HS3ST2: variants seen among roughly 807,000 people sequenced by gnomAD.
HS3ST2 encodes the protein heparan sulfate-glucosamine 3-sulfotransferase 2.
In HS3ST2, 17 loss-of-function variants were observed where a neutral mutation model predicts 26.3. That is an observed-to-expected ratio of 0.65 (90% CI 0.44 to 0.97). The LOEUF (loss-of-function observed/expected upper bound fraction) is 0.97. HS3ST2 is among the 50% of genes least tolerant of loss of function. The pLI, the probability that HS3ST2 is intolerant of heterozygous loss-of-function variation, is 0.00. For missense variants in HS3ST2, 402 were observed against 501.2 expected, an observed-to-expected ratio of 0.80 and a Z score of 1.89; for synonymous variants, 237 against 219.2, an observed-to-expected ratio of 1.08 and a Z score of -0.72.
intron 1 of HS3ST2, among the ~76,000 whole-genome samples, chr16:22,870,592 T>G (rs1901823120): frequency 6.6e-6 from 1 of 152,178 alleles, no homozygotes; most frequent in South Asian, 2.1e-4. Context: ...CTACTCTCTT[T>G]TGCCTGTTCT....
chr16:22,829,921 A>C (rs1169194481), intron 1 of HS3ST2, among the ~76,000 whole-genome samples: 1 of 152,212 alleles, frequency 6.6e-6, no homozygotes, highest in Non-Finnish European at 1.5e-5. Flanking sequence ...AGAGGCACTC[A>C]CTGTCATCAC....
At chr16:22,850,779 T>G (rs1901507845) in intron 1 of HS3ST2, among the ~76,000 whole-genome samples, 1 of 151,954 alleles carries the variant, frequency 6.6e-6, no homozygotes, top group Non-Finnish European at 1.5e-5. Flanking sequence ...AGAACGAGAC[T>G]CCATCTCAAA....
Position 22,822,728 on chromosome 16 carries a change from G to A in HS3ST2, c.485+7633G>A, listed in dbSNP as rs549226079. ...AAATTAGCTGGGCGTGGTGGCGTGC[G>A]CCTGTAGTCCCAGCTACTTGGGAGG... On this transcript the variant is annotated intron_variant, in intron 1 of 1. Coordinates refer to ENST00000261374, the MANE Select transcript of HS3ST2 (RefSeq NM_006043.2). 1.1e-4 allele frequency among the ~76,000 whole-genome samples: 16 copies of A among 152,046 alleles called. No individual in the cohort carries two copies. In the South Asian group the frequency reaches 1.2e-3, roughly 12 times the overall value.
chr16:22,873,834 A>T (rs1901871596), intron 1 of HS3ST2, among the ~76,000 whole-genome samples: 1 of 152,158 alleles, frequency 6.6e-6, no homozygotes. Context: ...CACATCTGGG[A>T]TCAACTAGTG....
At chr16:22,904,576 C>T (rs527855239) in intron 1 of HS3ST2, among the ~76,000 whole-genome samples, 1 of 152,116 alleles carries the variant, frequency 6.6e-6, no homozygotes, top group Non-Finnish European at 1.5e-5. Flanking sequence ...GTGGAGGTGA[C>T]GATGAGCTGA....
intron 1 of HS3ST2, among the ~76,000 whole-genome samples, chr16:22,911,254 C>T (rs1024096367): frequency 1.3e-5 from 2 of 151,966 alleles, no homozygotes; most frequent in African/African-American, 4.8e-5. Flanking sequence ...CTGGGGAGAG[C>T]AATTAGAACA....
chr16:22,849,016 A>G (rs1030399997), intron 1 of HS3ST2, among the ~76,000 whole-genome samples: 1 of 152,224 alleles, frequency 6.6e-6, no homozygotes, highest in African/African-American at 2.4e-5. Flanking sequence ...AGGTTTGGAC[A>G]ATGAAACTGA....
intron 1 of HS3ST2, among the ~76,000 whole-genome samples, chr16:22,906,416 G>A (rs1902353870): frequency 3.4e-5 from 3 of 88,874 alleles, no homozygotes; most frequent in East Asian, 3.9e-4. Flanking sequence ...CCTGGGCCTC[G>A]TGCCCAGAGT....
At chr16:22,884,662 ATATATATATATATAT>A (rs1177910895) in intron 1 of HS3ST2, among the ~76,000 whole-genome samples, 16 of 135,494 alleles carry the variant, frequency 1.2e-4, no homozygotes, top group African/African-American at 3.0e-4. Flanking sequence ...AGAAAAAAAT[ATATATATATATATAT>A]TATATATATA....
chr16:22,843,641 C>G (rs1417519491), intron 1 of HS3ST2, among the ~76,000 whole-genome samples: 1 of 152,176 alleles, frequency 6.6e-6, no homozygotes, highest in East Asian at 1.9e-4. Flanking sequence ...TGGATGAGCT[C>G]TGTCTTCATG....
chr16:22,841,932 ATC>A (rs1901363644), intron 1 of HS3ST2, among the ~76,000 whole-genome samples: 3 of 152,060 alleles, frequency 2.0e-5, no homozygotes, highest in Admixed American at 6.6e-5. Context: ...TAATTCCAGA[ATC>A]TTCTGAACTT....
intron 1 of HS3ST2, among the ~76,000 whole-genome samples, chr16:22,904,400 T>A (rs1215831514): frequency 1.3e-5 from 2 of 152,178 alleles, no homozygotes; most frequent in African/African-American, 4.8e-5. Flanking sequence ...ACAGTCATGA[T>A]CCCTGCCTTC....
At chr16:22,867,129 A>T (rs1264880918) in intron 1 of HS3ST2, among the ~76,000 whole-genome samples, 1 of 152,248 alleles carries the variant, frequency 6.6e-6, no homozygotes, top group Non-Finnish European at 1.5e-5. Flanking sequence ...AATCCATTTT[A>T]AAAATAGAGT....
intron 1 of HS3ST2, among the ~76,000 whole-genome samples, chr16:22,844,198 C>A (rs573803064): frequency 6.6e-6 from 1 of 152,004 alleles, no homozygotes; most frequent in Non-Finnish European, 1.5e-5. Flanking sequence ...GGTGTGGAAG[C>A]CTTTGAGTGG....
intron 1 of HS3ST2, among the ~76,000 whole-genome samples, chr16:22,851,726 A>G (rs948381107): frequency 3.9e-5 from 6 of 152,118 alleles, no homozygotes; most frequent in East Asian, 1.9e-4. Flanking sequence ...TTTCAAGCCA[A>G]TTGTCGTGTT....
At chr16:22,836,122 G>A (rs1901250359) in intron 1 of HS3ST2, among the ~76,000 whole-genome samples, 1 of 151,842 alleles carries the variant, frequency 6.6e-6, no homozygotes, top group Non-Finnish European at 1.5e-5. Context: ...ATCTGTGAAG[G>A]GCTGAAGCAT....
chr16:22,911,632 C>T (rs957086531), intron 1 of HS3ST2, among the ~76,000 whole-genome samples: 4 of 152,188 alleles, frequency 2.6e-5, no homozygotes, highest in Non-Finnish European at 5.9e-5. Flanking sequence ...TAGGTGTTCA[C>T]GTCTTGTAGA....
chr16:22,837,573 A>T (rs1346001168), intron 1 of HS3ST2, among the ~76,000 whole-genome samples: 1 of 138,966 alleles, frequency 7.2e-6, no homozygotes, highest in Non-Finnish European at 1.6e-5. Flanking sequence ...ATACATATAT[A>T]TATATACACA....
chr16:22,830,184 G>A (rs1901148581), intron 1 of HS3ST2, among the ~76,000 whole-genome samples: 1 of 149,982 alleles, frequency 6.7e-6, no homozygotes, highest in Non-Finnish European at 1.5e-5. Context: ...CTGCAACTTG[G>A]TCATTGCCTC....
Sources: gnomAD v4.1 joint callset for allele counts (sites outside exome capture counted in the v4.1 genomes callset) on GRCh38, gnomAD v4.1.1 for gene constraint, MANE v1.5 for transcripts, NCBI Gene and HGNC (gene_info 2026-07-23, HGNC 2026-07-21) for gene names.